CREBRF: variants seen among roughly 807,000 people sequenced by gnomAD.
The protein encoded by CREBRF is UPF0474 protein C5orf41.
A neutral mutation model predicts 66.1 loss-of-function variants in CREBRF; 5 were observed. The observed-to-expected ratio is 0.08, with a 90% CI of 0.04 to 0.16. The LOEUF is 0.16. Ranked by LOEUF, CREBRF falls within the 10% of genes least tolerant of loss-of-function variation. The pLI, the probability that CREBRF is intolerant of heterozygous loss-of-function variation, is 1.00. For missense variants in CREBRF, 531 were observed against 744.9 expected, an observed-to-expected ratio of 0.71 and a Z score of 3.34; for synonymous variants, 229 against 264.4, an observed-to-expected ratio of 0.87 and a Z score of 1.30.
chr5:173,062,972 C>T (rs1176864283), intron 1 of CREBRF, among the ~76,000 whole-genome samples: 3 of 152,018 alleles, frequency 2.0e-5, no homozygotes, highest in African/African-American at 7.2e-5. Context: ...TGGTCTCGAT[C>T]TCCTGACCTC....
intron 4 of CREBRF, among the ~76,000 whole-genome samples, chr5:173,096,872 TTTATCC>T (rs1307093507): frequency 6.6e-6 from 1 of 152,180 alleles, no homozygotes; most frequent in African/African-American, 2.4e-5. Flanking sequence ...TTATATTGTT[TTTATCC>T]TTCAGTCTGT....
In CREBRF at chr5:173,137,807, A is replaced by T. The variant is rs1759623031; in HGVS notation, c.*4062A>T. The T allele has an allele frequency of 1.3e-5, 2 of 152,128 alleles. No homozygotes were observed. The highest frequency in any genetic ancestry group is 2.9e-5 in the Non-Finnish European group (2 of 67,986). The allele number at this position is 152,128 out of a possible 1,614,324, so 9.4% of individuals were successfully genotyped here. A position where few individuals can be genotyped will look rare whatever the true frequency, so the allele number is the denominator to read the frequency against. On this transcript the variant is annotated 3_prime_UTR_variant, in exon 9 of 9. Transcript: ENST00000296953. Reference sequence around the variant, plus strand: ...TTCTTTATTCCACACATTTAAAAAAATTTAGCTGCTAAGATTTAATGTTAT... The same window carrying T: ...TTCTTTATTCCACACATTTAAAAAATTTTAGCTGCTAAGATTTAATGTTAT...
At position 173,080,247 on chromosome 5, in the gene CREBRF, A is replaced by C. The variant is rs144805673; in HGVS notation, c.-191-338A>C. Reference sequence around the variant, plus strand: ...TTTGAGATATGTTTTCTCATAAAGAACATAAAATGAATGAGAGCTTGACTT... The same window carrying C: ...TTTGAGATATGTTTTCTCATAAAGACCATAAAATGAATGAGAGCTTGACTT... On this transcript the variant is annotated intron_variant, in intron 1 of 8. Transcript: ENST00000296953. Among the ~76,000 whole-genome samples, 36 of 152,322 alleles carry C rather than the reference A, an allele frequency of 2.4e-4. No homozygotes were observed. In the East Asian group the frequency reaches 6.4e-3, roughly 27 times the overall value.
Position 173,058,633 on chromosome 5 carries a change from G to A in CREBRF, c.-192+2154G>A, listed in dbSNP as rs913829000. On this transcript the variant is annotated intron_variant, in intron 1 of 8. Coordinates refer to ENST00000296953, the MANE Select transcript of CREBRF (RefSeq NM_153607.3). ...GGAGTAGCTGGGACTACAGGCGCCCGCCATCACGCCCGGCTAATTTTTTTT... is the reference window on the plus strand; with the variant it reads ...GGAGTAGCTGGGACTACAGGCGCCCACCATCACGCCCGGCTAATTTTTTTT... Among the ~76,000 whole-genome samples, 9 of 151,016 alleles carry A rather than the reference G, an allele frequency of 6.0e-5. No individual in the cohort carries two copies. The East Asian group carries it at 1.2e-3, about 20-fold the overall frequency.
At chr5:173,079,674 A>G (rs1757874337) in intron 1 of CREBRF, among the ~76,000 whole-genome samples, 1 of 152,116 alleles carries the variant, frequency 6.6e-6, no homozygotes, top group Non-Finnish European at 1.5e-5. Context: ...AGGGCGTATT[A>G]AAAAACATTG....
At chr5:173,129,441 G>T (rs918884489) in intron 8 of CREBRF, among the ~76,000 whole-genome samples, 2 of 152,104 alleles carry the variant, frequency 1.3e-5, no homozygotes, top group East Asian at 3.9e-4. Flanking sequence ...AAACATTTTA[G>T]CCAGGTGCAG....
chr5:173,133,570 C>CCCTT, intron 8 of CREBRF, 60 bp from the exon 9 acceptor site: 1 of 921,652 alleles, frequency 1.1e-6, no homozygotes, highest in Non-Finnish European at 1.7e-6. Flanking sequence ...CCAGCTCCTT[C>CCCTT]CCTTCCCTTC....
intron 1 of CREBRF, among the ~76,000 whole-genome samples, chr5:173,066,808 C>CTTTTTT (rs34093582): frequency 3.5e-4 from 22 of 63,058 alleles, no homozygotes; most frequent in Non-Finnish European, 5.0e-4. Flanking sequence ...TTCATTGAAT[C>CTTTTTT]TTTTTTTTTT....
intron 2 of CREBRF, among the ~76,000 whole-genome samples, chr5:173,083,391 CAA>C (rs1408626359): frequency 6.6e-6 from 1 of 152,094 alleles, no homozygotes; most frequent in Non-Finnish European, 1.5e-5. Context: ...AGAGAAAAAA[CAA>C]GAAGGAGAAT....
At chr5:173,086,943 A>ATTTTTTT (rs1165232588) in intron 3 of CREBRF, among the ~76,000 whole-genome samples, 1 of 98,418 alleles carries the variant, frequency 1.0e-5, no homozygotes, top group Non-Finnish European at 2.1e-5. Context: ...CATCCAACTA[A>ATTTTTTT]TTTTGTTTTT....
chr5:173,060,590 G>T (rs1757241308), intron 1 of CREBRF: 1 of 152,076 alleles, frequency 6.6e-6, no homozygotes, highest in Non-Finnish European at 1.5e-5. Context: ...GTTGAACTTG[G>T]ATTTTTTTGA....
intron 1 of CREBRF, chr5:173,057,381 G>GT (rs1757102629): frequency 6.6e-6 from 1 of 152,654 alleles, no homozygotes; most frequent in Non-Finnish European, 1.5e-5. Flanking sequence ...GGCCGGGGGT[G>GT]TTTCGGGTGT....
chr5:173,087,222 C>T (rs1758179235), intron 3 of CREBRF, among the ~76,000 whole-genome samples: 1 of 151,900 alleles, frequency 6.6e-6, no homozygotes, highest in Non-Finnish European at 1.5e-5. Flanking sequence ...CCTGGGATTA[C>T]AGGCATGAGT....
chr5:173,097,326 A>G (rs537246397), intron 4 of CREBRF, among the ~76,000 whole-genome samples: 1 of 151,810 alleles, frequency 6.6e-6, no homozygotes, highest in Non-Finnish European at 1.5e-5. Flanking sequence ...GCTCACTGCA[A>G]TTTTCGCCTC....
At chr5:173,073,545 T>C (rs1301988260) in intron 1 of CREBRF, among the ~76,000 whole-genome samples, 1 of 152,236 alleles carries the variant, frequency 6.6e-6, no homozygotes, top group Non-Finnish European at 1.5e-5. Context: ...CTTATTCTTG[T>C]GCTCTGAACA....
intron 7 of CREBRF, among the ~76,000 whole-genome samples, chr5:173,121,550 C>T (rs1471414661): frequency 1.3e-5 from 2 of 152,012 alleles, no homozygotes; most frequent in East Asian, 3.9e-4. Flanking sequence ...TCTCTATCTC[C>T]TGACCCCGTG....
At chr5:173,117,607 C>A (rs572528495) in intron 7 of CREBRF, among the ~76,000 whole-genome samples, 5 of 51,674 alleles carry the variant, frequency 9.7e-5, no homozygotes, top group Admixed American at 1.9e-4. Flanking sequence ...CCTTCCATCC[C>A]TCCCTCCCTC....
intron 7 of CREBRF, among the ~76,000 whole-genome samples, chr5:173,122,396 TG>T (rs1162923817): frequency 2.6e-5 from 4 of 152,138 alleles, no homozygotes; most frequent in African/African-American, 9.7e-5. Context: ...CCACTGCACC[TG>T]GCTAATCTTG....
intron 1 of CREBRF, among the ~76,000 whole-genome samples, chr5:173,064,790 C>T (rs1757385571): frequency 6.6e-6 from 1 of 152,040 alleles, no homozygotes; most frequent in Non-Finnish European, 1.5e-5. Flanking sequence ...TCTTGAACTC[C>T]CCACCCCAGG....
Sources: allele counts gnomAD v4.1 joint callset (sites outside exome capture counted in the v4.1 genomes callset), GRCh38; gene constraint gnomAD v4.1.1; transcripts MANE v1.5; gene names NCBI Gene and HGNC (gene_info 2026-07-23, HGNC 2026-07-21).